The following MOGAT2 variants were observed in gnomAD, a reference collection of about 807,000 sequenced individuals.
MOGAT2 encodes the protein monoacylglycerol O-acyltransferase 2, also known as 2-acylglycerol O-acyltransferase 2.
Under a neutral mutation model 31.5 loss-of-function variants are expected in MOGAT2, and 27 were observed. The observed-to-expected ratio is 0.86, with a 90% CI of 0.63 to 1.18. The LOEUF (loss-of-function observed/expected upper bound fraction) is 1.18, where lower values mean the gene tolerates loss of function less well. MOGAT2 is among the 50% of genes most tolerant of loss of function. MOGAT2 has a pLI of 0.00. For synonymous variants in MOGAT2, 163 were observed against 170.0 expected (o/e 0.96, Z 0.32); for missense variants, 436 against 433.2 (o/e 1.01, Z -0.06).
chr11:75,729,989 C>A (rs1050707040), intron 5 of MOGAT2, among the ~76,000 whole-genome samples: 1 of 152,098 alleles, frequency 6.6e-6, no homozygotes, highest in Non-Finnish European at 1.5e-5. Flanking sequence ...AAGTGATCAC[C>A]CAGGCTTTGC....
At chr11:75,720,276 G>A (rs71467894) in intron 2 of MOGAT2, 106 bp downstream of exon 2, 2 of 1,291,624 alleles carry the variant, frequency 1.5e-6, no homozygotes, top group Non-Finnish European at 2.2e-6. Context: ...ATGCACTGAG[G>A]AGGGTACTGG....
intron 5 of MOGAT2, among the ~76,000 whole-genome samples, chr11:75,730,603 G>A (rs1944467773): frequency 6.6e-6 from 1 of 152,158 alleles, no homozygotes; most frequent in South Asian, 2.1e-4. Context: ...CTAGTGCATT[G>A]CCTGACACAT....
intron 2 of MOGAT2, among the ~76,000 whole-genome samples, chr11:75,725,662 C>T (rs1944416459): frequency 6.6e-6 from 1 of 152,242 alleles, no homozygotes; most frequent in African/African-American, 2.4e-5. Flanking sequence ...CCAGGCCTTA[C>T]AGATGTCTCC....
At chr11:75,724,113 G>A (rs1263857821) in intron 2 of MOGAT2, among the ~76,000 whole-genome samples, 4 of 152,204 alleles carry the variant, frequency 2.6e-5, no homozygotes, top group Non-Finnish European at 5.9e-5. Flanking sequence ...CAGAACCGGG[G>A]TCTCCTGACT....
intron 2 of MOGAT2, among the ~76,000 whole-genome samples, chr11:75,724,249 A>G (rs752680434): frequency 3.3e-5 from 5 of 152,150 alleles, no homozygotes; most frequent in Non-Finnish European, 7.4e-5. Flanking sequence ...CCTTCATGCT[A>G]TACCCTTTCC....
intron 2 of MOGAT2, among the ~76,000 whole-genome samples, chr11:75,726,917 T>C (rs1229298333): frequency 6.6e-6 from 1 of 152,168 alleles, no homozygotes; most frequent in Non-Finnish European, 1.5e-5. Flanking sequence ...CTCAAACTCC[T>C]GACCTCAGGT....
chr11:75,730,688 A>G lies in MOGAT2; in HGVS notation c.851-444A>G, dbSNP rs142165115. ...CACTTTGGGAGGTCGAGACGGGCAG[A>G]TCACAAGGTCAGGAATTCAAGACCA... is the stretch of plus-strand genomic sequence containing the variant. On this transcript the variant is annotated intron_variant, in intron 5 of 5. Coordinates refer to ENST00000198801, the MANE Select transcript of MOGAT2 (RefSeq NM_025098.4). Among the ~76,000 whole-genome samples, 524 of 152,266 alleles carry G rather than the reference A, an allele frequency of 3.4e-3. 5 individuals carry two copies. Among genetic ancestry groups the G allele is most frequent in the African/African-American group, 0.012 (498 of 41,562 alleles).
In MOGAT2 at chr11:75,731,151, A is replaced by T; in HGVS notation, c.870A>T (p.Val290=). The T allele has an allele frequency of 6.2e-7, 1 of 1,613,946 alleles. No individual in the cohort carries two copies. Among genetic ancestry groups the T allele is most frequent in the African/African-American group, 1.3e-5 (1 of 74,982 alleles). Residue 290 remains valine, a synonymous_variant, in exon 6 of 6, where the codon GTA becomes GTT. Transcript: ENST00000198801. ...TTGCAGTGGGGAAGCCCATCGAGGT[A>T]CAGAAGACGCTGCATCCCTCGGAGG... ...ITTVVGKPIE[V]QKTLHPSEEE...
chr11:75,718,966 TTCTC>T (rs149754751), intron 1 of MOGAT2, among the ~76,000 whole-genome samples: 9 of 147,178 alleles, frequency 6.1e-5, no homozygotes, highest in African/African-American at 1.5e-4. Context: ...CCATCTCTCT[TTCTC>T]TCTCTCTCTC....
intron 2 of MOGAT2, among the ~76,000 whole-genome samples, chr11:75,723,692 C>T (rs7924333): frequency 0.023 from 3,484 of 152,276 alleles, 152 homozygotes; most frequent in African/African-American, 0.08. Context: ...ACCTATCCCA[C>T]ACCTTTTAAA....
intron 2 of MOGAT2, among the ~76,000 whole-genome samples, chr11:75,723,134 AT>A (rs955092550): frequency 2.0e-5 from 3 of 151,118 alleles, no homozygotes; most frequent in African/African-American, 4.9e-5. Flanking sequence ...GCTGATTTGT[AT>A]TTTTTTAGTA....
chr11:75,719,675 A>T lies in MOGAT2; in HGVS notation c.92-317A>T, dbSNP rs570684233. ...ATTGAGCACTTAATGAGTACAAACA[A>T]CTCTCCTGGGGAGAAGGAGGACAGG... On this transcript the variant is annotated intron_variant, in intron 1 of 5. Coordinates refer to ENST00000198801, the MANE Select transcript of MOGAT2 (RefSeq NM_025098.4). 10 of 354,514 alleles carry T rather than the reference A, an allele frequency of 2.8e-5. No homozygotes were observed. In the South Asian group the frequency reaches 5.2e-4, roughly 19 times the overall value. The allele number at this position is 354,514 out of a possible 1,614,324, so 22.0% of individuals were successfully genotyped here.
chr11:75,720,796 T>A (rs373877443), intron 2 of MOGAT2, among the ~76,000 whole-genome samples: 2 of 152,138 alleles, frequency 1.3e-5, no homozygotes, highest in Non-Finnish European at 2.9e-5. Context: ...TGATTCCTCC[T>A]CCTCTGCATG....
At position 75,728,906 on chromosome 11, in the gene MOGAT2, T is replaced by A; in HGVS notation, c.767T>A (p.Ile256Asn). The A allele has an allele frequency of 6.2e-7, 1 of 1,614,142 alleles. No homozygotes were observed. The highest frequency in any genetic ancestry group is 8.5e-7 in the Non-Finnish European group (1 of 1,180,036). The stretch of plus-strand genomic sequence containing the variant: ...AATCGGTTGCAGAAGATCATGGGCA[T>A]CTCCCTCCCACTCTTTCATGGCCGT... ...IQNRLQKIMG[I>N]SLPLFHGRGV... is the part of the protein sequence containing the mutation. Residue 256 changes from isoleucine (I) to asparagine (N), a missense_variant, in exon 5 of 6, where the codon ATC becomes AAC. Ile to Asn is a moderately radical substitution (Grantham distance 149). Transcript: ENST00000198801.
intron 5 of MOGAT2, 69 bp downstream of exon 5, chr11:75,729,058 C>T: frequency 6.8e-7 from 1 of 1,477,386 alleles, no homozygotes; most frequent in Non-Finnish European, 9.4e-7. Flanking sequence ...TGCAAGGGGA[C>T]ATGGAGATGA....
chr11:75,729,029 G>A (rs369300429), intron 5 of MOGAT2, 40 bp downstream of exon 5: 3 of 1,598,588 alleles, frequency 1.9e-6, no homozygotes, highest in Non-Finnish European at 2.6e-6. Flanking sequence ...AGGCCAAAGG[G>A]ACAGGGCAGG....
intron 2 of MOGAT2, among the ~76,000 whole-genome samples, chr11:75,724,054 G>C (rs1944398933): frequency 6.6e-6 from 1 of 152,226 alleles, no homozygotes; most frequent in South Asian, 2.1e-4. Flanking sequence ...AAATAATTGA[G>C]CCACAGAGGG....
Position 75,724,758 on chromosome 11 carries a change from G to A in MOGAT2, c.271-2677G>A, listed in dbSNP as rs543177383. On this transcript the variant is annotated intron_variant, in intron 2 of 5. Coordinates refer to ENST00000198801, the MANE Select transcript of MOGAT2 (RefSeq NM_025098.4). ...CCCAGTTCCTGTCCTCAGAGGCAAC[G>A]ATGACTACCAGTGTTTGGTGTATCC... is the stretch of plus-strand genomic sequence containing the variant. Among the ~76,000 whole-genome samples, 7 of 152,212 alleles carry A rather than the reference G, an allele frequency of 4.6e-5. No individual in the cohort carries two copies. In the South Asian group the frequency reaches 8.3e-4, roughly 18 times the overall value.
rs1025189151 is a variant in MOGAT2 at position 75,728,059 on chromosome 11, C to T, written c.565C>T (p.Gln189Ter). The change falls in exon 4 of 6, where the codon CAG becomes TAG. Residue 189 changes from glutamine to a stop codon, truncating the protein, a stop_gained. Coordinates refer to ENST00000198801, the MANE Select transcript of MOGAT2 (RefSeq NM_025098.4). LOFTEE classifies it high-confidence loss of function. ...GCTGGGCATCATTGTAGGGGGTGCC[C>T]AGGAGGCCCTGGATGCCAGGCCTGG... ...NLLGIIVGGA[Q>*]EALDARPGSF... 1.2e-6 allele frequency: 2 copies of T among 1,614,022 alleles called. No homozygotes were observed. The highest frequency in any genetic ancestry group is 1.7e-6 in the Non-Finnish European group (2 of 1,180,014).
Sources: allele counts gnomAD v4.1 joint callset (sites outside exome capture counted in the v4.1 genomes callset), GRCh38; gene constraint gnomAD v4.1.1; transcripts MANE v1.5; gene names NCBI Gene and HGNC (gene_info 2026-07-23, HGNC 2026-07-21).